DNAAF9: variants seen among roughly 807,000 people sequenced by gnomAD.
DNAAF9 encodes the protein dynein axonemal assembly factor 9.
In DNAAF9, 90 loss-of-function variants were observed where a neutral mutation model predicts 167.0. The observed-to-expected ratio is 0.54, with a 90% CI of 0.45 to 0.64. The LOEUF (loss-of-function observed/expected upper bound fraction) is 0.64, where lower values mean the gene tolerates loss of function less well. Among genes scored for constraint, DNAAF9 ranks in the 30% least tolerant of loss-of-function variants. The probability of loss-of-function intolerance (pLI) is 0.00; values close to 1 mark genes in which losing one functional copy is unlikely to be tolerated. For missense variants in DNAAF9, 1,315 were observed against 1,442.2 expected (o/e 0.91, Z 1.43); for synonymous variants, 491 against 508.8 (o/e 0.96, Z 0.47).
At chr20:3,264,171 A>G (rs76659588) in intron 31 of DNAAF9, among the ~76,000 whole-genome samples, 3,933 of 152,344 alleles carry the variant, frequency 0.026, 66 homozygotes, top group African/African-American at 0.042. Flanking sequence ...CTGGAGGAAC[A>G]CAGGGCACAG....
intron 10 of DNAAF9, 77 bp downstream of exon 10, chr20:3,340,427 T>C (rs1163814479): frequency 5.0e-6 from 2 of 402,514 alleles, no homozygotes; most frequent in Admixed American, 3.1e-5. Context: ...GTTCTTTTTG[T>C]CTAGCTCCCC....
intron 23 of DNAAF9, 179 bp downstream of exon 23, chr20:3,296,682 T>A: frequency 1.6e-6 from 1 of 621,730 alleles, no homozygotes; most frequent in East Asian, 2.6e-5. Context: ...CACATGGCCC[T>A]CTCTTGCCTT....
chr20:3,257,460 C>T (rs1211790688), intron 33 of DNAAF9, among the ~76,000 whole-genome samples: 3 of 151,622 alleles, frequency 2.0e-5, no homozygotes, highest in African/African-American at 7.3e-5. Context: ...TGCAGTGAGC[C>T]GAGATCAAAC....
At chr20:3,302,024 C>T (rs1048834645) in intron 21 of DNAAF9, among the ~76,000 whole-genome samples, 6 of 152,192 alleles carry the variant, frequency 3.9e-5, no homozygotes, top group African/African-American at 1.4e-4. Flanking sequence ...CTCACTGCAA[C>T]CTCCACCTCC....
intron 3 of DNAAF9, 42 bp from the exon 4 acceptor site, chr20:3,376,344 ATTTC>A (rs1252142260): frequency 1.3e-6 from 2 of 1,515,812 alleles, no homozygotes; most frequent in Admixed American, 2.0e-5. Flanking sequence ...TGTCAAACAC[ATTTC>A]TTTTAGATAT....
chr20:3,294,806 T>C (rs959978019), intron 23 of DNAAF9, among the ~76,000 whole-genome samples, 177 bp from the exon 24 acceptor site: 1 of 151,914 alleles, frequency 6.6e-6, no homozygotes, highest in African/African-American at 2.4e-5. Context: ...TAAGTCCACA[T>C]AGAAAGGTTG....
intron 6 of DNAAF9, among the ~76,000 whole-genome samples, chr20:3,367,449 C>T (rs1179781660): frequency 1.3e-5 from 2 of 152,196 alleles, no homozygotes; most frequent in Non-Finnish European, 1.5e-5. Flanking sequence ...TAGCTTTCAG[C>T]CTGTCTTGGC....
intron 31 of DNAAF9, among the ~76,000 whole-genome samples, chr20:3,263,483 G>C (rs2068430816): frequency 6.6e-6 from 1 of 152,182 alleles, no homozygotes; most frequent in South Asian, 2.1e-4. Context: ...AGTGTAGCAC[G>C]ATGCCTAAGA....
At chr20:3,265,688 T>A (rs1166832712) in intron 30 of DNAAF9, among the ~76,000 whole-genome samples, 11 of 150,744 alleles carry the variant, frequency 7.3e-5, no homozygotes, top group African/African-American at 2.4e-4. Context: ...TTTTTTTTTT[T>A]AATTTTGAGA....
rs565115729 is a variant in DNAAF9 at position 3,348,480 on chromosome 20, A to T, written c.789+45T>A. ...TTAATAAAAAATTAAAACAATAAAT[A>T]AATTAACCATTTTATTCTTCCTCTT... On this transcript the variant is annotated intron_variant, in intron 8 of 36. Transcript: ENST00000252032. 6 of 998,840 alleles carry T rather than the reference A, an allele frequency of 6.0e-6. No individual in the cohort carries two copies. The African/African-American group carries it at 9.7e-5, about 16-fold the overall frequency. The allele number at this position is 998,840 out of a possible 1,614,324, so 61.9% of individuals were successfully genotyped here.
intron 25 of DNAAF9, 90 bp from the exon 26 acceptor site, chr20:3,290,307 TTGTGGG>T (rs1013336881): frequency 7.1e-6 from 6 of 844,346 alleles, no homozygotes; most frequent in Non-Finnish European, 1.2e-5. Flanking sequence ...GTGCCAAGCA[TTGTGGG>T]TGTGAACCTC....
rs764742734 is a variant in DNAAF9, at chr20:3,304,527, G to A, written c.1695C>T (p.Phe565=). 6.7e-7 allele frequency: 1 copy of A among 1,482,416 alleles called. No homozygotes were observed. The highest frequency in any genetic ancestry group is 9.4e-7 in the Non-Finnish European group (1 of 1,060,444). The allele number at this position is 1,482,416 out of a possible 1,614,324, so 91.8% of individuals were successfully genotyped here. The change falls in exon 21 of 37, where the codon TTC becomes TTT. Residue 565 remains phenylalanine, a synonymous_variant. Coordinates refer to ENST00000252032, the MANE Select transcript of DNAAF9 (RefSeq NM_001009984.3). ...SWPEEGNVHF[F]SSGLLFSHCR... ...AGTGAGAAAACAGAAGGCCACTAGA[G>A]AAGAAATGAACATTCCCTGGAAGGA...
intron 6 of DNAAF9, among the ~76,000 whole-genome samples, chr20:3,372,364 G>A (rs960136649): frequency 6.6e-6 from 1 of 152,180 alleles, no homozygotes; most frequent in Non-Finnish European, 1.5e-5. Context: ...AAATAAAAGT[G>A]AGCAGCTACA....
chr20:3,344,210 T>C (rs1600824839), intron 8 of DNAAF9, among the ~76,000 whole-genome samples: 1 of 152,132 alleles, frequency 6.6e-6, no homozygotes, highest in Non-Finnish European at 1.5e-5. Context: ...AATTTCGAAA[T>C]ATACTGATGG....
At chr20:3,300,714 TAATAATAATAATAA>T (rs2069170327) in intron 21 of DNAAF9, among the ~76,000 whole-genome samples, 1 of 144,342 alleles carries the variant, frequency 6.9e-6, no homozygotes, top group African/African-American at 2.6e-5. Flanking sequence ...ATAATAATAA[TAATAATAATAATAA>T]TTTTTTGTAG....
At chr20:3,353,054 G>A (rs1467790087) in intron 7 of DNAAF9, among the ~76,000 whole-genome samples, 1 of 148,772 alleles carries the variant, frequency 6.7e-6, no homozygotes, top group Non-Finnish European at 1.5e-5. Flanking sequence ...GTAAATATAT[G>A]TATATATAAC....
Position 3,315,250 on chromosome 20 carries a change from A to G in DNAAF9, c.1591-130T>C, listed in dbSNP as rs567304844. 8.2e-5 allele frequency: 54 copies of G among 658,008 alleles called. 1 individual carries two copies. In the South Asian group the frequency reaches 9.6e-4, roughly 12 times the overall value. 40.8% of individuals were successfully genotyped at this position (658,008 alleles called of 1,614,324 possible). A position where few individuals can be genotyped will look rare whatever the true frequency, so the allele number is the denominator to read the frequency against. ...AGCTGAGTCAGGCTCAGATATGCCCAATGTATTCCATGGCCTTTGGCATTG... is the reference window on the plus strand; with the variant it reads ...AGCTGAGTCAGGCTCAGATATGCCCGATGTATTCCATGGCCTTTGGCATTG... On this transcript the variant is annotated intron_variant, in intron 19 of 36. Transcript: ENST00000252032. The surrounding 1 kb of genome is among the most constrained non-coding windows in gnomAD (Gnocchi z 4.1).
chr20:3,340,454 C>CCCCCCCCCATT, intron 10 of DNAAF9, 50 bp downstream of exon 10: 1 of 1,053,078 alleles, frequency 9.5e-7, no homozygotes. Context: ...ACCCCACCCC[C>CCCCCCCCCATT]ACAACTTGAT....
intron 16 of DNAAF9, among the ~76,000 whole-genome samples, chr20:3,321,182 T>C (rs1274770780): frequency 1.3e-5 from 2 of 152,168 alleles, no homozygotes; most frequent in African/African-American, 2.4e-5. Flanking sequence ...CTGTTGATTA[T>C]TGGCCATTTA....
Sources: allele counts gnomAD v4.1 joint callset (sites outside exome capture counted in the v4.1 genomes callset), GRCh38; gene constraint gnomAD v4.1.1; non-coding constraint Gnocchi (gnomAD v3.1); transcripts MANE v1.5; gene names NCBI Gene and HGNC (gene_info 2026-07-23, HGNC 2026-07-21).